Variants in TRPC4AP observed in about 807,000 individuals in gnomAD.
TRPC4AP encodes transient receptor potential cation channel subfamily C member 4 associated protein.
In TRPC4AP, 45 loss-of-function variants were observed where a neutral mutation model predicts 99.0. The observed-to-expected ratio is 0.45, with a 90% CI of 0.36 to 0.58. The LOEUF (loss-of-function observed/expected upper bound fraction) is 0.58. TRPC4AP is among the 20% of genes least tolerant of loss of function. TRPC4AP has a pLI of 0.00. For synonymous variants in TRPC4AP, 408 were observed against 385.8 expected, an observed-to-expected ratio of 1.06 and a Z score of -0.67; for missense variants, 879 against 985.3, an observed-to-expected ratio of 0.89 and a Z score of 1.44.
At chr20:35,090,719 C>G (rs972560603) in intron 1 of TRPC4AP, among the ~76,000 whole-genome samples, 17 of 152,116 alleles carry the variant, frequency 1.1e-4, no homozygotes, top group Non-Finnish European at 2.2e-4. Context: ...TCATTCAGCA[C>G]TGGAAACAAA....
At chr20:35,092,247 C>T (rs577986966) in intron 1 of TRPC4AP, among the ~76,000 whole-genome samples, 1 of 152,254 alleles carries the variant, frequency 6.6e-6, no homozygotes, top group Non-Finnish European at 1.5e-5. Context: ...ATGACCCCCT[C>T]CCCCACGCCC....
intron 1 of TRPC4AP, 22 bp downstream of exon 1, chr20:35,092,592 C>CCCGCT: frequency 1.4e-6 from 2 of 1,467,844 alleles, no homozygotes; most frequent in Non-Finnish European, 1.8e-6. Context: ...CCCGCCCCGC[C>CCCGCT]CCTCCTGGTC....
intron 1 of TRPC4AP, 147 bp downstream of exon 1, chr20:35,092,467 G>C (rs767308468): frequency 7.4e-5 from 72 of 969,904 alleles, no homozygotes; most frequent in Middle Eastern, 3.4e-4. Flanking sequence ...GCAGCTGAGA[G>C]CGTCCGGGCA....
intron 2 of TRPC4AP, among the ~76,000 whole-genome samples, chr20:35,070,900 A>C (rs1307908944): frequency 3.9e-5 from 6 of 152,202 alleles, no homozygotes; most frequent in Non-Finnish European, 5.9e-5. Flanking sequence ...AAAACCTAAA[A>C]CATAGTAAGT....
At chr20:35,084,988 C>T (rs192041157) in intron 1 of TRPC4AP, among the ~76,000 whole-genome samples, 3 of 152,172 alleles carry the variant, frequency 2.0e-5, no homozygotes, top group East Asian at 3.9e-4. Flanking sequence ...AAGAAGGAAT[C>T]GAATGTGTGA....
At chr20:35,047,383 G>C (rs1166665396) in intron 6 of TRPC4AP, among the ~76,000 whole-genome samples, 1 of 152,094 alleles carries the variant, frequency 6.6e-6, no homozygotes, top group Non-Finnish European at 1.5e-5. Flanking sequence ...ACAGTGTTCT[G>C]CAACTGGCTT....
intron 10 of TRPC4AP, among the ~76,000 whole-genome samples, chr20:35,014,951 TGTG>T (rs575217233): frequency 2.8e-4 from 43 of 152,342 alleles, no homozygotes; most frequent in Middle Eastern, 6.8e-3. Flanking sequence ...TCAAGGGGAC[TGTG>T]AGAGACACAA....
At chr20:35,041,332 T>C (rs116299131) in intron 7 of TRPC4AP, among the ~76,000 whole-genome samples, 19 of 152,258 alleles carry the variant, frequency 1.2e-4, no homozygotes, top group South Asian at 4.2e-4. Context: ...CCCAGGGCAT[T>C]TGAATGGAGA....
chr20:35,055,973 T>A (rs2145958013), intron 4 of TRPC4AP, among the ~76,000 whole-genome samples: 1 of 152,338 alleles, frequency 6.6e-6, no homozygotes, highest in Admixed American at 6.5e-5. Context: ...AAGTGCTTTA[T>A]TTGGCACTTG....
chr20:35,062,771 G>A (rs1422863816), intron 3 of TRPC4AP, among the ~76,000 whole-genome samples: 1 of 152,142 alleles, frequency 6.6e-6, no homozygotes, highest in Non-Finnish European at 1.5e-5. Flanking sequence ...CAATTGTGGT[G>A]ACAGTGGTAT....
intron 1 of TRPC4AP, among the ~76,000 whole-genome samples, chr20:35,080,338 A>C (rs2084600910): frequency 7.0e-6 from 1 of 142,696 alleles, no homozygotes; most frequent in East Asian, 2.0e-4. Context: ...CCACCTCTAC[A>C]AAAAAAAAAA....
At chr20:35,089,602 G>C (rs568396061) in intron 1 of TRPC4AP, among the ~76,000 whole-genome samples, 2 of 152,122 alleles carry the variant, frequency 1.3e-5, no homozygotes, top group Non-Finnish European at 2.9e-5. Context: ...TGTAATCCCA[G>C]CACTTTGGGA....
chr20:35,029,515 G>C (rs2047223707), intron 8 of TRPC4AP, among the ~76,000 whole-genome samples: 1 of 147,592 alleles, frequency 6.8e-6, no homozygotes, highest in Non-Finnish European at 1.5e-5. Context: ...TGTATGTCTT[G>C]TGTGTTTTTT....
chr20:35,014,188 A>G (rs991839490), intron 10 of TRPC4AP, among the ~76,000 whole-genome samples: 4 of 152,174 alleles, frequency 2.6e-5, no homozygotes, highest in African/African-American at 7.2e-5. Flanking sequence ...ACAATAGGAT[A>G]AAACAGCAAA....
At chr20:35,083,759 G>A (rs2084717564) in intron 1 of TRPC4AP, among the ~76,000 whole-genome samples, 1 of 151,302 alleles carries the variant, frequency 6.6e-6, no homozygotes, top group Non-Finnish European at 1.5e-5. Flanking sequence ...TTCTTGGGAG[G>A]CTACCAGAGA....
intron 4 of TRPC4AP, 82 bp from the exon 5 acceptor site, chr20:35,055,113 A>C: frequency 8.3e-7 from 1 of 1,206,632 alleles, no homozygotes; most frequent in Admixed American, 1.7e-5. Flanking sequence ...TCAGCATAAG[A>C]ACTGTTATAA....
At chr20:35,063,635 G>A (rs757934862) in intron 3 of TRPC4AP, among the ~76,000 whole-genome samples, 27 of 152,126 alleles carry the variant, frequency 1.8e-4, no homozygotes, top group Non-Finnish European at 2.5e-4. Context: ...GAGGCAGGAA[G>A]ATCATTTGAG....
chr20:35,082,284 T>C (rs568315956), intron 1 of TRPC4AP, among the ~76,000 whole-genome samples: 52 of 152,272 alleles, frequency 3.4e-4, no homozygotes, highest in Non-Finnish European at 5.9e-5. Flanking sequence ...CCTCGAGCAG[T>C]ATATCTAGTA....
At chr20:35,031,390 CTTTTTTTTTT>C (rs71299218) in intron 8 of TRPC4AP, among the ~76,000 whole-genome samples, 16 of 73,666 alleles carry the variant, frequency 2.2e-4, no homozygotes, top group South Asian at 4.8e-4. Flanking sequence ...CCCTGGTTAA[CTTTTTTTTTT>C]TTTTTTTTTT....
Sources: allele counts gnomAD v4.1 joint callset (sites outside exome capture counted in the v4.1 genomes callset), GRCh38; gene constraint gnomAD v4.1.1; transcripts MANE v1.5; gene names NCBI Gene and HGNC (gene_info 2026-07-23, HGNC 2026-07-21).